CTBP2: variants seen among roughly 807,000 people sequenced by gnomAD.
The protein encoded by CTBP2 is C-terminal binding protein 2, also known as C-terminal-binding protein 2.
In CTBP2, 30 loss-of-function variants were observed where a neutral mutation model predicts 80.3. The ratio of observed to expected loss-of-function variants is 0.37; its 90% CI spans 0.28 to 0.51. The LOEUF (loss-of-function observed/expected upper bound fraction) is 0.51. Ranked by LOEUF, CTBP2 falls within the 20% of genes least tolerant of loss-of-function variation. The pLI, the probability that CTBP2 is intolerant of heterozygous loss-of-function variation, is 0.93. For synonymous variants in CTBP2, 594 were observed against 587.4 expected, an observed-to-expected ratio of 1.01 and a Z score of -0.16; for missense variants, 1,212 against 1,375.3, an observed-to-expected ratio of 0.88 and a Z score of 1.88.
intron 1 of CTBP2, among the ~76,000 whole-genome samples, chr10:125,022,969 T>C (rs1228162853): frequency 2.0e-5 from 3 of 152,218 alleles, no homozygotes; most frequent in Admixed American, 6.5e-5. Context: ...AAATTATTGA[T>C]GGAGGTGCTT....
upstream of CTBP2, among the ~76,000 whole-genome samples, chr10:125,030,040 GC>G (rs1014792938): frequency 6.6e-6 from 1 of 152,022 alleles, no homozygotes; most frequent in Admixed American, 6.6e-5. Context: ...AACTCGCACA[GC>G]CTTGGCTCTG....
chr10:125,161,505 C>G (rs1279780713), upstream of CTBP2, among the ~76,000 whole-genome samples: 1 of 152,010 alleles, frequency 6.6e-6, no homozygotes, highest in Non-Finnish European at 1.5e-5. Context: ...CAACTTCCTC[C>G]TGGTGCCCCG....
chr10:125,072,905 C>T (rs575141729), intron 2 of CTBP2, among the ~76,000 whole-genome samples: 5 of 152,146 alleles, frequency 3.3e-5, no homozygotes, highest in Non-Finnish European at 7.3e-5. Context: ...TACAAGGCCC[C>T]AAATCACTAA....
At position 124,984,477 on chromosome 10, in the gene CTBP2, G is replaced by A. The variant is rs1389491447; in HGVS notation, c.*5041C>T. On this transcript the variant is annotated 3_prime_UTR_variant, in exon 9 of 9. Coordinates refer to ENST00000309035, the MANE Select transcript of CTBP2 (RefSeq NM_022802.3). ...ACCTTGTCATGTGTTTGAAGCTGTG[G>A]CTTGCCAGGATCAGTTTATTAGGAC... The A allele has an allele frequency of 9.4e-6, 3 of 320,752 alleles. No homozygotes were observed. Among genetic ancestry groups the A allele is most frequent in the Non-Finnish European group, 1.7e-5 (3 of 176,118 alleles). 19.9% of individuals were successfully genotyped at this position (320,752 alleles called of 1,614,324 possible).
intron 2 of CTBP2, among the ~76,000 whole-genome samples, chr10:125,048,750 G>C (rs1961903095): frequency 6.6e-6 from 1 of 152,198 alleles, no homozygotes; most frequent in Non-Finnish European, 1.5e-5. Flanking sequence ...AACACACACA[G>C]AGAGGACGGT....
At chr10:125,001,884 G>A (rs191083949) in intron 3 of CTBP2, among the ~76,000 whole-genome samples, 1 of 152,336 alleles carries the variant, frequency 6.6e-6, no homozygotes, top group African/African-American at 2.4e-5. Context: ...AGAGACAGCT[G>A]GAGCCCATGG....
At chr10:125,135,274 C>G (rs1386345238) in intron 1 of CTBP2, among the ~76,000 whole-genome samples, 1 of 152,152 alleles carries the variant, frequency 6.6e-6, no homozygotes, top group Non-Finnish European at 1.5e-5. Context: ...GCTCCACCAC[C>G]CTCTCTCCCT....
intron 1 of CTBP2, among the ~76,000 whole-genome samples, chr10:125,151,794 C>T (rs78140450): frequency 6.6e-6 from 1 of 152,150 alleles, no homozygotes; most frequent in African/African-American, 2.4e-5. Flanking sequence ...CCTCGCGGAC[C>T]GGAGAGGGGC....
intron 2 of CTBP2, among the ~76,000 whole-genome samples, chr10:125,067,838 G>C (rs1844878898): frequency 6.6e-6 from 1 of 152,144 alleles, no homozygotes; most frequent in South Asian, 2.1e-4. Flanking sequence ...TCCCTGACCC[G>C]CGTCATTCTG....
At chr10:125,101,568 A>G (rs559202287) in intron 2 of CTBP2, among the ~76,000 whole-genome samples, 1 of 152,286 alleles carries the variant, frequency 6.6e-6, no homozygotes, top group Admixed American at 6.5e-5. Context: ...ATAGGAAAAC[A>G]TTATTACCAG....
At chr10:124,989,866 A>G (rs545338001) in intron 8 of CTBP2, among the ~76,000 whole-genome samples, 168 bp from the exon 11 acceptor site, 4 of 151,972 alleles carry the variant, frequency 2.6e-5, no homozygotes, top group Non-Finnish European at 5.9e-5. Flanking sequence ...ACACCCAAGT[A>G]GTGGCGACCA....
At chr10:125,097,002 T>G (rs1391986929) in intron 2 of CTBP2, among the ~76,000 whole-genome samples, 1 of 152,260 alleles carries the variant, frequency 6.6e-6, no homozygotes, top group Admixed American at 6.5e-5. Flanking sequence ...CTCATTAAAG[T>G]AAACCAGTTT....
chr10:125,159,449 C>G (rs1471070259), intron 1 of CTBP2, among the ~76,000 whole-genome samples: 1 of 145,840 alleles, frequency 6.9e-6, no homozygotes, highest in Admixed American at 6.8e-5. Flanking sequence ...CCGCCCAGGC[C>G]CCCCGCCCCG....
At chr10:125,013,745 C>T (rs1956178878) in intron 1 of CTBP2, among the ~76,000 whole-genome samples, 2 of 152,186 alleles carry the variant, frequency 1.3e-5, no homozygotes, top group Admixed American at 1.3e-4. Flanking sequence ...AGGACTCAAA[C>T]TCAGGTCTCT....
intron 2 of CTBP2, among the ~76,000 whole-genome samples, chr10:125,099,879 C>G (rs1348581387): frequency 6.6e-6 from 1 of 152,164 alleles, no homozygotes; most frequent in Non-Finnish European, 1.5e-5. Context: ...CAACACAATC[C>G]CAGCACACTG....
chr10:125,139,511 C>G (rs1376379493), intron 1 of CTBP2, among the ~76,000 whole-genome samples: 3 of 152,102 alleles, frequency 2.0e-5, no homozygotes, highest in African/African-American at 7.2e-5. Flanking sequence ...ATACTGCACA[C>G]CCCTAAAAGA....
chr10:125,056,957 A>G (rs1181154066), intron 2 of CTBP2, among the ~76,000 whole-genome samples: 1 of 152,180 alleles, frequency 6.6e-6, no homozygotes, highest in East Asian at 1.9e-4. Context: ...TGCTTTCTCC[A>G]TCACACCTTC....
intron 2 of CTBP2, among the ~76,000 whole-genome samples, chr10:125,080,482 G>C (rs566000353): frequency 6.6e-6 from 1 of 152,236 alleles, no homozygotes; most frequent in East Asian, 1.9e-4. Context: ...GAGCGCTGTC[G>C]ACCTGACAAC....
chr10:124,984,889 T>C lies in CTBP2; in HGVS notation c.*4629A>G. The C allele has an allele frequency of 6.2e-7, 1 of 1,613,954 alleles. No homozygotes were observed. Among genetic ancestry groups the C allele is most frequent in the Non-Finnish European group, 8.5e-7 (1 of 1,179,998 alleles). On this transcript the variant is annotated 3_prime_UTR_variant, in exon 9 of 9. Coordinates refer to ENST00000309035, the MANE Select transcript of CTBP2 (RefSeq NM_022802.3). ...AGTTCTCGGCGGCGAAATCACCCCC[T>C]GGTCACTCAGATGGTAGAAAAATGG...
Sources: gnomAD v4.1 joint callset for allele counts (sites outside exome capture counted in the v4.1 genomes callset) on GRCh38, gnomAD v4.1.1 for gene constraint, MANE v1.5 for transcripts, NCBI Gene and HGNC (gene_info 2026-07-23, HGNC 2026-07-21) for gene names.